Variants in EPHB1 observed in about 807,000 individuals in gnomAD.
EPHB1 encodes the protein EPH receptor B1.
A neutral mutation model predicts 94.4 loss-of-function variants in EPHB1; 30 were observed. The ratio of observed to expected loss-of-function variants is 0.32; its 90% CI spans 0.24 to 0.43. The LOEUF (loss-of-function observed/expected upper bound fraction) is 0.43, where lower values mean the gene tolerates loss of function less well. EPHB1 is among the 20% of genes least tolerant of loss of function. The probability of loss-of-function intolerance (pLI) is 1.00; values close to 1 mark genes in which losing one functional copy is unlikely to be tolerated. For synonymous variants in EPHB1, 522 were observed against 489.1 expected (o/e 1.07, Z -0.89); for missense variants, 1,055 against 1,308.3 (o/e 0.81, Z 2.99).
At chr3:135,044,497 G>C (rs1341147648) in intron 3 of EPHB1, among the ~76,000 whole-genome samples, 1 of 152,206 alleles carries the variant, frequency 6.6e-6, no homozygotes, top group Non-Finnish European at 1.5e-5. Context: ...CAGCTTCATG[G>C]TCAGCCAGAA....
intron 2 of EPHB1, among the ~76,000 whole-genome samples, chr3:134,942,553 A>G (rs1437151656): frequency 2.0e-5 from 3 of 152,248 alleles, no homozygotes; most frequent in Non-Finnish European, 4.4e-5. Flanking sequence ...GTGAGACTGC[A>G]TCAGGGCTGC....
At chr3:135,111,815 G>A (rs1939458483) in intron 4 of EPHB1, among the ~76,000 whole-genome samples, 1 of 152,172 alleles carries the variant, frequency 6.6e-6, no homozygotes, top group Non-Finnish European at 1.5e-5. Context: ...GAGTAGCTGG[G>A]ATTACAGGTG....
At chr3:134,895,422 C>T (rs900891856) in intron 1 of EPHB1, among the ~76,000 whole-genome samples, 14 of 152,300 alleles carry the variant, frequency 9.2e-5, no homozygotes, top group African/African-American at 3.4e-4. Context: ...GAGTGGCTAT[C>T]CTTCCAACAT....
At chr3:134,874,353 CG>C (rs1560276789) in intron 1 of EPHB1, among the ~76,000 whole-genome samples, 1 of 151,800 alleles carries the variant, frequency 6.6e-6, no homozygotes. Context: ...AAACAAACAC[CG>C]GGGCCTATTG....
At chr3:135,033,519 A>C (rs1277874628) in intron 3 of EPHB1, among the ~76,000 whole-genome samples, 4 of 152,212 alleles carry the variant, frequency 2.6e-5, no homozygotes, top group Non-Finnish European at 5.9e-5. Flanking sequence ...GCTGTGAAAA[A>C]TAAAATGTAC....
chr3:134,894,170 G>C (rs1012935942), intron 1 of EPHB1, among the ~76,000 whole-genome samples: 2 of 152,210 alleles, frequency 1.3e-5, no homozygotes, highest in Non-Finnish European at 2.9e-5. Context: ...CCCAGCACGT[G>C]TGGGGCTCCT....
intron 3 of EPHB1, among the ~76,000 whole-genome samples, chr3:134,987,972 A>G (rs1934661469): frequency 1.3e-5 from 2 of 152,194 alleles, no homozygotes; most frequent in Non-Finnish European, 2.9e-5. Flanking sequence ...TAAGCAGACT[A>G]TACAACAGCC....
chr3:135,041,136 C>T (rs974770395), intron 3 of EPHB1, among the ~76,000 whole-genome samples: 7 of 152,160 alleles, frequency 4.6e-5, no homozygotes, highest in South Asian at 2.1e-4. Flanking sequence ...GGGATGCATC[C>T]GCTCTGCAGT....
chr3:135,040,747 G>A (rs1332766384), intron 3 of EPHB1, among the ~76,000 whole-genome samples: 1 of 152,154 alleles, frequency 6.6e-6, no homozygotes, highest in Non-Finnish European at 1.5e-5. Flanking sequence ...TGCTCTGCCC[G>A]GCCTCAAAGA....
At chr3:135,079,936 C>A (rs984205105) in intron 3 of EPHB1, among the ~76,000 whole-genome samples, 2 of 152,048 alleles carry the variant, frequency 1.3e-5, no homozygotes, top group African/African-American at 2.4e-5. Flanking sequence ...CTGTGTCCAG[C>A]GGGGTACCTG....
Position 134,965,330 on chromosome 3 carries a change from G to C in EPHB1, c.805+13278G>C, listed in dbSNP as rs1450848796. Among the ~76,000 whole-genome samples the C allele has an allele frequency of 2.0e-5, 3 of 152,290 alleles. No homozygotes were observed. The East Asian group carries it at 5.8e-4, about 29-fold the overall frequency. On this transcript the variant is annotated intron_variant, in intron 3 of 15. Coordinates refer to ENST00000398015, the MANE Select transcript of EPHB1 (RefSeq NM_004441.5). ...TGATGAGAGTGACTGCTTCCACCTT[G>C]CAGGATGACATGTTCCTTCCCCTGC...
At chr3:135,045,663 A>G (rs1353656541) in intron 3 of EPHB1, among the ~76,000 whole-genome samples, 2 of 152,254 alleles carry the variant, frequency 1.3e-5, no homozygotes, top group Non-Finnish European at 2.9e-5. Flanking sequence ...TGAGTTTTCA[A>G]GTGAAAATTG....
At chr3:135,159,819 G>C (rs1941458831) in intron 6 of EPHB1, among the ~76,000 whole-genome samples, 1 of 152,176 alleles carries the variant, frequency 6.6e-6, no homozygotes, top group African/African-American at 2.4e-5. Flanking sequence ...AACTGCTTCT[G>C]AATCATTTAT....
intron 1 of EPHB1, among the ~76,000 whole-genome samples, chr3:134,865,867 T>C (rs2037366080): frequency 6.6e-6 from 1 of 152,192 alleles, no homozygotes; most frequent in Non-Finnish European, 1.5e-5. Flanking sequence ...GTTAAAACGG[T>C]TGGATATTGG....
intron 2 of EPHB1, among the ~76,000 whole-genome samples, chr3:134,945,911 G>C (rs1455970389): frequency 1.3e-5 from 2 of 152,232 alleles, no homozygotes; most frequent in African/African-American, 2.4e-5. Context: ...CTACAGTGTA[G>C]TGCATGCAAG....
At chr3:135,176,077 G>C (rs764364424) in intron 9 of EPHB1, among the ~76,000 whole-genome samples, 2 of 152,088 alleles carry the variant, frequency 1.3e-5, no homozygotes, top group Non-Finnish European at 2.9e-5. Flanking sequence ...ATTTGGAAAG[G>C]CTAGCTATAC....
chr3:134,973,315 C>A (rs4955462), intron 3 of EPHB1, among the ~76,000 whole-genome samples: 62,298 of 151,720 alleles, frequency 0.41, 13,734 homozygotes, highest in African/African-American at 0.56. Flanking sequence ...ACAAGGTCCA[C>A]AGCAAGTTTC....
chr3:134,891,864 T>C (rs2037990484), intron 1 of EPHB1, among the ~76,000 whole-genome samples: 1 of 152,232 alleles, frequency 6.6e-6, no homozygotes, highest in African/African-American at 2.4e-5. Flanking sequence ...GAACCAGTTT[T>C]CTTCTCTATA....
At chr3:134,830,831 C>A (rs372894343) in intron 1 of EPHB1, among the ~76,000 whole-genome samples, 9 of 152,258 alleles carry the variant, frequency 5.9e-5, no homozygotes, top group African/African-American at 2.2e-4. Flanking sequence ...TGCCTTCTGC[C>A]CTGGACAGTC....
Sources: allele counts gnomAD v4.1 joint callset (sites outside exome capture counted in the v4.1 genomes callset), GRCh38; gene constraint gnomAD v4.1.1; transcripts MANE v1.5; gene names NCBI Gene and HGNC (gene_info 2026-07-23, HGNC 2026-07-21).